The following LPP variants were observed in gnomAD, a reference collection of about 807,000 sequenced individuals.
LPP encodes lipoma-preferred partner.
LPP carries 38 observed loss-of-function variants against 60.4 expected under a neutral mutation model. That is an observed-to-expected ratio of 0.63 (90% confidence interval 0.49 to 0.83). The LOEUF is 0.83. Ranked by LOEUF, LPP falls within the 40% of genes least tolerant of loss-of-function variation. LPP has a pLI of 0.00. For missense variants in LPP, 902 were observed against 783.6 expected, an observed-to-expected ratio of 1.15 and a Z score of -1.80; for synonymous variants, 328 against 290.8, an observed-to-expected ratio of 1.13 and a Z score of -1.30.
At chr3:188,485,564 G>A (rs1017879909) in intron 5 of LPP, among the ~76,000 whole-genome samples, 3 of 151,954 alleles carry the variant, frequency 2.0e-5, no homozygotes, top group East Asian at 1.9e-4. Flanking sequence ...TCGGGAGGCC[G>A]AGGCGGGCGG....
In LPP at chr3:188,886,458, T is replaced by C. The variant is rs1770677179; in HGVS notation, c.*11979T>C. ...TTAATAGAAGACACAATTTGAGCAC[T>C]TCTCAGAATTATCTAGTATGCCTGA... On this transcript the variant is annotated 3_prime_UTR_variant, in exon 12 of 12. Transcript: ENST00000617246. The C allele has an allele frequency of 5.3e-6, 1 of 188,550 alleles. No homozygotes were observed. The highest frequency in any genetic ancestry group is 1.1e-5 in the Non-Finnish European group (1 of 92,618). The allele number at this position is 188,550 out of a possible 1,614,324, so 11.7% of individuals were successfully genotyped here.
intron 7 of LPP, among the ~76,000 whole-genome samples, chr3:188,638,921 G>C (rs552110924): frequency 5.1e-3 from 781 of 152,246 alleles, no homozygotes; most frequent in Middle Eastern, 0.01. Flanking sequence ...AATCAATATT[G>C]TGAAAATGGC....
rs569388333 is a variant in LPP at position 188,865,693 on chromosome 3, TG to T, written c.1411-506del. Among the ~76,000 whole-genome samples, 592 of 150,128 alleles carry T rather than the reference TG, an allele frequency of 3.9e-3. 3 individuals carry two copies. Among genetic ancestry groups the T allele is most frequent in the Admixed American group, 8.3e-3 (125 of 15,010 alleles). ...TCCAGCCCATTGTCTGTTTTTTTTT[TG>T]TAAATAAAGTATTACTGGAACACAA... On this transcript the variant is annotated intron_variant, in intron 9 of 11. Coordinates refer to ENST00000617246, the MANE Select transcript of LPP (RefSeq NM_001375462.1).
Position 188,807,141 on chromosome 3 carries a change from A to G in LPP, c.1410+46859A>G, listed in dbSNP as rs142399162. ...ATTGGTTGGCCTTTTTCCTTTTATC[A>G]CTTTTAAGATGTCACTTCATTGTTT... On this transcript the variant is annotated intron_variant, in intron 9 of 11. Coordinates refer to ENST00000617246, the MANE Select transcript of LPP (RefSeq NM_001375462.1). 3.3e-5 allele frequency among the ~76,000 whole-genome samples: 5 copies of G among 151,710 alleles called. No individual in the cohort carries two copies. The East Asian group carries it at 9.8e-4, about 30-fold the overall frequency.
At chr3:188,273,589 C>CTTT (rs11380757) in intron 2 of LPP, among the ~76,000 whole-genome samples, 6,908 of 80,250 alleles carry the variant, frequency 0.086, 682 homozygotes, top group Non-Finnish European at 0.11. Flanking sequence ...TATTTTATAT[C>CTTT]TTTTTTTTTT....
intron 3 of LPP, among the ~76,000 whole-genome samples, chr3:188,353,737 G>A (rs1766654878): frequency 1.3e-5 from 2 of 152,184 alleles, no homozygotes; most frequent in Admixed American, 1.3e-4. Flanking sequence ...AGGTTTAAAT[G>A]CTGTTATGCT....
chr3:188,519,347 A>G (rs1263453797), intron 5 of LPP, among the ~76,000 whole-genome samples: 1 of 152,196 alleles, frequency 6.6e-6, no homozygotes. Flanking sequence ...CATCAAGAAA[A>G]ACCAGATTGG....
chr3:188,389,252 T>G (rs1363674493), intron 3 of LPP, among the ~76,000 whole-genome samples: 2 of 150,922 alleles, frequency 1.3e-5, no homozygotes, highest in East Asian at 3.9e-4. Context: ...GATGTCCCAA[T>G]ACCCTGGAGA....
Position 188,879,768 on chromosome 3 carries a change from A to G in LPP, c.*5289A>G, listed in dbSNP as rs10937374. 0.45 allele frequency: 81,339 copies of G among 181,040 alleles called. 19,520 individuals are homozygous for G. Among genetic ancestry groups the G allele is most frequent in the Non-Finnish European group, 0.53 (44,716 of 84,742 alleles). 11.2% of individuals were successfully genotyped at this position (181,040 alleles called of 1,614,324 possible). A position where few individuals can be genotyped will look rare whatever the true frequency, so the allele number is the denominator to read the frequency against. ...TTGTATTTTCAGAATTTTAACACAGATTAACACTTAGCCTGTAAGACTAAT... is the reference window on the plus strand; with the variant it reads ...TTGTATTTTCAGAATTTTAACACAGGTTAACACTTAGCCTGTAAGACTAAT... On this transcript the variant is annotated 3_prime_UTR_variant, in exon 12 of 12. Transcript: ENST00000617246.
upstream of LPP, chr3:188,153,036 T>C (rs1330845532): frequency 6.6e-6 from 1 of 152,148 alleles, no homozygotes; most frequent in African/African-American, 2.4e-5. Context: ...ACAGAGGAAG[T>C]TGCCCTGAAG....
intron 7 of LPP, among the ~76,000 whole-genome samples, chr3:188,636,287 G>A (rs1848735087): frequency 6.6e-6 from 1 of 152,234 alleles, no homozygotes; most frequent in African/African-American, 2.4e-5. Context: ...ACCAAAGAAA[G>A]GGGTGACAGA....
chr3:188,269,926 G>A (rs1184857920), intron 2 of LPP, among the ~76,000 whole-genome samples: 3 of 152,144 alleles, frequency 2.0e-5, no homozygotes, highest in African/African-American at 4.8e-5. Flanking sequence ...GGGATTACAG[G>A]TGGGAGCCAC....
intron 7 of LPP, among the ~76,000 whole-genome samples, chr3:188,652,097 G>A (rs1852211817): frequency 6.6e-6 from 1 of 152,206 alleles, no homozygotes; most frequent in African/African-American, 2.4e-5. Flanking sequence ...AAGTCTACAG[G>A]TATTCCCCAG....
intron 1 of LPP, among the ~76,000 whole-genome samples, chr3:188,193,076 G>T (rs1205596919): frequency 1.3e-5 from 2 of 152,178 alleles, no homozygotes; most frequent in Admixed American, 1.3e-4. Context: ...TGTTGTGACA[G>T]GGCTTTCTTA....
chr3:188,668,391 C>T (rs1196004247), intron 7 of LPP, among the ~76,000 whole-genome samples: 2 of 152,130 alleles, frequency 1.3e-5, no homozygotes, highest in Non-Finnish European at 2.9e-5. Flanking sequence ...TTATATCAAA[C>T]ACCATAACTA....
intron 8 of LPP, among the ~76,000 whole-genome samples, chr3:188,718,097 C>T (rs916411430): frequency 6.6e-6 from 1 of 152,222 alleles, no homozygotes; most frequent in Admixed American, 6.5e-5. Flanking sequence ...GCTGGGATTA[C>T]AGGCGTGAGC....
chr3:188,815,823 C>T (rs1166979301), intron 9 of LPP, among the ~76,000 whole-genome samples: 2 of 152,192 alleles, frequency 1.3e-5, no homozygotes, highest in African/African-American at 4.8e-5. Flanking sequence ...TCAGGGAAGA[C>T]TAGCTGTTTT....
At chr3:188,514,554 C>T (rs1220472045) in intron 5 of LPP, among the ~76,000 whole-genome samples, 1 of 151,900 alleles carries the variant, frequency 6.6e-6, no homozygotes, top group Non-Finnish European at 1.5e-5. Context: ...AATTTTTCTG[C>T]CTCCAGCCTC....
At chr3:188,675,727 T>C (rs1857916354) in intron 7 of LPP, among the ~76,000 whole-genome samples, 1 of 152,212 alleles carries the variant, frequency 6.6e-6, no homozygotes, top group Non-Finnish European at 1.5e-5. Flanking sequence ...ATTTAATAAT[T>C]CTAAAGTTCT....
Sources: gnomAD v4.1 joint callset for allele counts (sites outside exome capture counted in the v4.1 genomes callset) on GRCh38, gnomAD v4.1.1 for gene constraint, MANE v1.5 for transcripts, NCBI Gene and HGNC (gene_info 2026-07-23, HGNC 2026-07-21) for gene names.